The following RASA1 variants were observed in gnomAD, a reference collection of about 807,000 sequenced individuals.
The protein encoded by RASA1 is RAS p21 protein activator 1.
A neutral mutation model predicts 132.2 loss-of-function variants in RASA1; 25 were observed. The observed-to-expected ratio is 0.19, with a 90% CI of 0.14 to 0.26. RASA1 has a LOEUF of 0.26. Among genes scored for constraint, RASA1 ranks in the 10% least tolerant of loss-of-function variants. The pLI is 1.00. For synonymous variants in RASA1, 477 were observed against 449.9 expected (o/e 1.06, Z -0.76); for missense variants, 964 against 1,299.2 (o/e 0.74, Z 3.97).
intron 7 of RASA1, 70 bp from the exon 8 acceptor site, chr5:87,349,141 GTAA>G: frequency 6.5e-7 from 1 of 1,537,810 alleles, no homozygotes; most frequent in South Asian, 1.1e-5. Context: ...AATGCACTTT[GTAA>G]TAATACTACT....
intron 1 of RASA1, among the ~76,000 whole-genome samples, chr5:87,290,809 A>G (rs1434128931): frequency 1.3e-5 from 2 of 151,980 alleles, no homozygotes; most frequent in African/African-American, 2.4e-5. Flanking sequence ...CTTTCTTTCC[A>G]TGGTTTGATA....
At chr5:87,333,382 G>T in intron 4 of RASA1, 45 bp downstream of exon 4, 2 of 1,605,070 alleles carry the variant, frequency 1.2e-6, no homozygotes, top group South Asian at 2.2e-5. Flanking sequence ...GAAAGAGCTA[G>T]ACTTCGAAGA....
chr5:87,283,014 C>T (rs999942326), intron 1 of RASA1, among the ~76,000 whole-genome samples: 1 of 151,796 alleles, frequency 6.6e-6, no homozygotes, highest in Non-Finnish European at 1.5e-5. Context: ...TTAAAGTATG[C>T]AGTAAATTAT....
chr5:87,309,694 G>A (rs140666237), intron 1 of RASA1, among the ~76,000 whole-genome samples: 100 of 152,026 alleles, frequency 6.6e-4, no homozygotes, highest in African/African-American at 2.4e-3. Flanking sequence ...CTCAGTCTTT[G>A]TATATTTCTT....
intron 17 of RASA1, 56 bp downstream of exon 17, chr5:87,377,096 A>C: frequency 6.5e-7 from 1 of 1,529,718 alleles, no homozygotes; most frequent in Non-Finnish European, 9.0e-7. Flanking sequence ...TTTTATATCA[A>C]GGATATATGG....
rs766689789 is a variant in RASA1, at chr5:87,380,625, A to G, written c.2690+30A>G. 2.6e-6 allele frequency: 4 copies of G among 1,521,100 alleles called. No individual in the cohort carries two copies. In the Admixed American group the frequency reaches 5.0e-5, roughly 19 times the overall value. 94.2% of individuals were successfully genotyped at this position (1,521,100 alleles called of 1,614,324 possible). A position where few individuals can be genotyped will look rare whatever the true frequency, so the allele number is the denominator to read the frequency against. Reference sequence around the variant, plus strand: ...GGCTCATCAATTGATTTGTTAAATCACATACTAATAGGTGGATAATTGTGA... The same window carrying G: ...GGCTCATCAATTGATTTGTTAAATCGCATACTAATAGGTGGATAATTGTGA... On this transcript the variant is annotated intron_variant, in intron 20 of 24. Coordinates refer to ENST00000274376, the MANE Select transcript of RASA1 (RefSeq NM_002890.3).
At chr5:87,340,566 T>A (rs1324138017) in intron 5 of RASA1, among the ~76,000 whole-genome samples, 1 of 152,092 alleles carries the variant, frequency 6.6e-6, no homozygotes, top group East Asian at 1.9e-4. Context: ...AATAGTGGAA[T>A]GAGTAACACT....
At chr5:87,389,651 A>T (rs1762337305) in intron 24 of RASA1, 124 bp downstream of exon 24, 3 of 1,279,966 alleles carry the variant, frequency 2.3e-6, no homozygotes, top group South Asian at 1.2e-5. Flanking sequence ...ACTCTGCATC[A>T]TATTACAAAA....
At chr5:87,334,570 C>CT (rs1490028916) in intron 4 of RASA1, among the ~76,000 whole-genome samples, 1 of 152,204 alleles carries the variant, frequency 6.6e-6, no homozygotes, top group African/African-American at 2.4e-5. Flanking sequence ...TAAGACATAA[C>CT]TTGCCTTTTT....
chr5:87,301,364 T>A, intron 1 of RASA1, among the ~76,000 whole-genome samples: 1 of 152,142 alleles, frequency 6.6e-6, no homozygotes, highest in East Asian at 1.9e-4. Context: ...GTATAACACA[T>A]ATAAAGCATA....
intron 7 of RASA1, 108 bp from the exon 8 acceptor site, chr5:87,349,106 A>G: frequency 1.5e-6 from 2 of 1,358,572 alleles, no homozygotes; most frequent in Non-Finnish European, 2.0e-6. Flanking sequence ...TTCCTGGTGA[A>G]AATTTACATA....
chr5:87,302,945 A>G (rs1187719444), intron 1 of RASA1, among the ~76,000 whole-genome samples: 2 of 151,930 alleles, frequency 1.3e-5, no homozygotes, highest in Non-Finnish European at 2.9e-5. Flanking sequence ...TAGATGCTTT[A>G]TTGTCTTTTT....
intron 5 of RASA1, among the ~76,000 whole-genome samples, chr5:87,338,437 TTC>T (rs1758139304): frequency 6.8e-6 from 1 of 146,342 alleles, no homozygotes; most frequent in African/African-American, 2.5e-5. Context: ...GTTCAAGCAT[TTC>T]TCGTGCCTCA....
At chr5:87,283,452 A>T (rs888891185) in intron 1 of RASA1, among the ~76,000 whole-genome samples, 2 of 151,942 alleles carry the variant, frequency 1.3e-5, no homozygotes, top group Non-Finnish European at 2.9e-5. Context: ...ATTTTTAAAT[A>T]ATCACTTTTC....
chr5:87,314,290 C>T (rs1306417975), intron 1 of RASA1, among the ~76,000 whole-genome samples: 1 of 152,164 alleles, frequency 6.6e-6, no homozygotes, highest in African/African-American at 2.4e-5. Flanking sequence ...GAATGCTGTA[C>T]CAGTTGTTTA....
chr5:87,374,145 ATATTTT>A lies in RASA1; in HGVS notation c.1777-16_1777-11del. 1 of 1,348,510 alleles carries A rather than the reference ATATTTT, an allele frequency of 7.4e-7. No individual in the cohort carries two copies. The highest frequency in any genetic ancestry group is 9.7e-7 in the Non-Finnish European group (1 of 1,028,268). The allele number at this position is 1,348,510 out of a possible 1,614,324, so 83.5% of individuals were successfully genotyped here. ...GAAATCTGGGGTAATATATATATAT[ATATTTT>A]TTTTTTTTTAGGTCAGCAGCCTTGT... On this transcript the variant is annotated splice_polypyrimidine_tract_variant and intron_variant, in intron 13 of 24. Transcript: ENST00000274376.
At chr5:87,332,669 C>G (rs1323544282) in intron 3 of RASA1, 27 bp downstream of exon 3, 1 of 1,587,680 alleles carries the variant, frequency 6.3e-7, no homozygotes, top group African/African-American at 1.3e-5. Flanking sequence ...AAATATCTTT[C>G]AAAACTTTAT....
chr5:87,290,204 G>A (rs570322822), intron 1 of RASA1, among the ~76,000 whole-genome samples: 1 of 152,118 alleles, frequency 6.6e-6, no homozygotes, highest in African/African-American at 2.4e-5. Flanking sequence ...AGGACAAGGA[G>A]GATGCAAAAT....
chr5:87,389,360 AT>A (rs1762304935), intron 23 of RASA1, 32 bp from the exon 24 acceptor site: 2 of 1,613,038 alleles, frequency 1.2e-6, no homozygotes, highest in African/African-American at 1.3e-5. Flanking sequence ...GAAGATTTGT[AT>A]TTCTAAATGC....
Sources: allele counts gnomAD v4.1 joint callset (sites outside exome capture counted in the v4.1 genomes callset), GRCh38; gene constraint gnomAD v4.1.1; transcripts MANE v1.5; gene names NCBI Gene and HGNC (gene_info 2026-07-23, HGNC 2026-07-21).